Variants in SENP5 observed in about 807,000 individuals in gnomAD.
The protein encoded by SENP5 is SUMO specific peptidase 5, also known as sentrin-specific protease 5.
Under a neutral mutation model 74.2 loss-of-function variants are expected in SENP5, and 21 were observed. The observed-to-expected ratio is 0.28, with a 90% CI of 0.20 to 0.41. The LOEUF is 0.41. SENP5 is among the 10% of genes least tolerant of loss of function. The pLI is 1.00. For synonymous variants in SENP5, 311 were observed against 312.7 expected, an observed-to-expected ratio of 0.99 and a Z score of 0.06; for missense variants, 717 against 889.1, an observed-to-expected ratio of 0.81 and a Z score of 2.46.
At chr3:196,902,765 C>G (rs551449492) in intron 5 of SENP5, among the ~76,000 whole-genome samples, 1 of 152,158 alleles carries the variant, frequency 6.6e-6, no homozygotes, top group Non-Finnish European at 1.5e-5. Context: ...AAGCCAAGGA[C>G]GCAGGACCTG....
At position 196,923,539 on chromosome 3, in the gene SENP5, G is replaced by T. The variant is rs1415468722; in HGVS notation, c.2010G>T (p.Lys670Asn). Residue 670 changes from lysine (K) to asparagine (N), a missense_variant, in exon 7 of 10, where the codon AAG becomes AAT. Coordinates refer to ENST00000323460, the MANE Select transcript of SENP5 (RefSeq NM_152699.5). The stretch of plus-strand genomic sequence containing the variant: ...ATGATTCCCAAGGCATTCATTTTAA[G>T]TTTTGTGTAGAGGTAAGTTAATATA... ...SFYDSQGIHF[K>N]FCVENIRKYL... 1.2e-6 allele frequency: 2 copies of T among 1,603,072 alleles called. No individual in the cohort carries two copies. The highest frequency in any genetic ancestry group is 2.7e-5 in the African/African-American group (2 of 74,382).
At chr3:196,890,756 T>C (rs929288413) in intron 2 of SENP5, among the ~76,000 whole-genome samples, 7 of 152,204 alleles carry the variant, frequency 4.6e-5, no homozygotes, top group Non-Finnish European at 8.8e-5. Context: ...TTTCTAGAAC[T>C]GAAAAGAAAG....
intron 6 of SENP5, among the ~76,000 whole-genome samples, chr3:196,908,023 A>G (rs1458850981): frequency 1.3e-5 from 2 of 152,210 alleles, no homozygotes; most frequent in East Asian, 3.8e-4. Flanking sequence ...CAGTCTGAAC[A>G]CTTTGGGAGG....
At chr3:196,901,373 C>T (rs1331219218) in intron 5 of SENP5, among the ~76,000 whole-genome samples, 1 of 152,038 alleles carries the variant, frequency 6.6e-6, no homozygotes. Flanking sequence ...TAAAATCTTG[C>T]TCTCTTTAAA....
chr3:196,871,784 G>A (rs1713226845), intron 1 of SENP5, among the ~76,000 whole-genome samples: 1 of 151,494 alleles, frequency 6.6e-6, no homozygotes, highest in Non-Finnish European at 1.5e-5. Context: ...GAACCTGGGA[G>A]GTGGAGGTTG....
intron 2 of SENP5, among the ~76,000 whole-genome samples, chr3:196,894,549 AATTT>A (rs1177941628): frequency 2.7e-5 from 4 of 150,414 alleles, no homozygotes; most frequent in Admixed American, 6.6e-5. Context: ...TTTTTTTTTA[AATTT>A]ATTCCCATGG....
intron 6 of SENP5, among the ~76,000 whole-genome samples, chr3:196,912,343 T>C (rs747375712): frequency 6.6e-6 from 1 of 152,182 alleles, no homozygotes; most frequent in African/African-American, 2.4e-5. Context: ...ACACTGCATG[T>C]TCTCACTCAT....
intron 2 of SENP5, among the ~76,000 whole-genome samples, chr3:196,887,466 C>T (rs1232103389): frequency 2.0e-5 from 3 of 151,772 alleles, no homozygotes; most frequent in Non-Finnish European, 2.9e-5. Context: ...AGGCGTGAGA[C>T]ACCGTGCCCT....
At chr3:196,915,088 T>C (rs1715317840) in intron 6 of SENP5, among the ~76,000 whole-genome samples, 1 of 152,216 alleles carries the variant, frequency 6.6e-6, no homozygotes, top group Admixed American at 6.5e-5. Context: ...GGTAGGAACC[T>C]GAGTTGCAGC....
intron 7 of SENP5, among the ~76,000 whole-genome samples, chr3:196,925,652 A>G (rs1407008749): frequency 1.3e-5 from 2 of 152,230 alleles, no homozygotes; most frequent in Non-Finnish European, 2.9e-5. Context: ...ATTCGCCTTC[A>G]TGGAGTGAAT....
intron 9 of SENP5, among the ~76,000 whole-genome samples, chr3:196,930,539 G>C (rs544421143): frequency 1.3e-5 from 2 of 152,184 alleles, no homozygotes; most frequent in Non-Finnish European, 2.9e-5. Context: ...GGTTCTCTTA[G>C]GAGTGTGAAC....
chr3:196,913,529 A>G (rs920245590), intron 6 of SENP5, among the ~76,000 whole-genome samples: 1 of 149,628 alleles, frequency 6.7e-6, no homozygotes, highest in Non-Finnish European at 1.5e-5. Flanking sequence ...AGATCATGCC[A>G]CTGCACTCCA....
At chr3:196,873,539 T>C (rs182770562) in intron 1 of SENP5, among the ~76,000 whole-genome samples, 14 of 152,054 alleles carry the variant, frequency 9.2e-5, no homozygotes, top group Admixed American at 7.9e-4. Context: ...TTTAAAAAAT[T>C]AAGTTAAAAA....
At chr3:196,914,297 G>A (rs1027398823) in intron 6 of SENP5, 1 of 151,824 alleles carries the variant, frequency 6.6e-6, no homozygotes, top group Admixed American at 6.6e-5. Context: ...AACTGGCAGT[G>A]GGCCATACTT....
intron 1 of SENP5, among the ~76,000 whole-genome samples, chr3:196,884,289 G>T (rs1427114180): frequency 1.3e-5 from 2 of 152,162 alleles, no homozygotes; most frequent in African/African-American, 4.8e-5. Context: ...CCCAGTGATG[G>T]TTCTGGATCT....
chr3:196,928,962 C>T (rs188419882), intron 8 of SENP5, among the ~76,000 whole-genome samples: 161 of 152,184 alleles, frequency 1.1e-3, no homozygotes, highest in Non-Finnish European at 1.6e-3. Context: ...GGCAAAGGTG[C>T]GTGGATTGCG....
At chr3:196,878,843 C>T (rs970632460) in intron 1 of SENP5, among the ~76,000 whole-genome samples, 6 of 152,280 alleles carry the variant, frequency 3.9e-5, no homozygotes, top group South Asian at 4.1e-4. Context: ...CCGCTTGCCT[C>T]GGCCTCCCAA....
rs200893793 is a variant in SENP5, at chr3:196,932,757, G to A, written c.*1834G>A. ...TTTTTTTTTTTTTTTTTTTTTTTTT[G>A]TGGGGGTGTGGTATACCAAAGTAGC... On this transcript the variant is annotated 3_prime_UTR_variant, in exon 10 of 10. Transcript: ENST00000323460. 2.4e-5 allele frequency: 1 copy of A among 41,932 alleles called. No individual in the cohort carries two copies. The highest frequency in any genetic ancestry group is 4.8e-5 in the Non-Finnish European group (1 of 20,980). The allele number at this position is 41,932 out of a possible 1,614,324, so 2.6% of individuals were successfully genotyped here. A position where few individuals can be genotyped will look rare whatever the true frequency, so the allele number is the denominator to read the frequency against.
intron 6 of SENP5, among the ~76,000 whole-genome samples, chr3:196,905,945 G>T (rs978995377): frequency 2.0e-5 from 3 of 152,086 alleles, no homozygotes; most frequent in Non-Finnish European, 4.4e-5. Flanking sequence ...ATCACTTTGG[G>T]CCTGGGTCAT....
Sources: allele counts gnomAD v4.1 joint callset (sites outside exome capture counted in the v4.1 genomes callset), GRCh38; gene constraint gnomAD v4.1.1; transcripts MANE v1.5; gene names NCBI Gene and HGNC (gene_info 2026-07-23, HGNC 2026-07-21).